The following DNMT3B variants were observed in gnomAD, a reference collection of about 807,000 sequenced individuals.
DNMT3B encodes the protein DNA (cytosine-5)-methyltransferase 3B.
Under a neutral mutation model 120.2 loss-of-function variants are expected in DNMT3B, and 37 were observed. The observed-to-expected ratio is 0.31, with a 90% CI of 0.24 to 0.40. The LOEUF is 0.40. Ranked by LOEUF, DNMT3B falls within the 10% of genes least tolerant of loss-of-function variation. DNMT3B has a pLI of 1.00. For missense variants in DNMT3B, 878 were observed against 1,137.3 expected (o/e 0.77, Z 3.28); for synonymous variants, 412 against 442.8 (o/e 0.93, Z 0.87).
At chr20:32,787,117 T>C (rs1161602349) in intron 5 of DNMT3B, 113 bp from the exon 6 acceptor site, 2 of 1,301,284 alleles carry the variant, frequency 1.5e-6, no homozygotes, top group Non-Finnish European at 2.2e-6. Context: ...CTGTTCTCTT[T>C]AACTTCAGTC....
intron 1 of DNMT3B, among the ~76,000 whole-genome samples, chr20:32,767,908 T>C (rs552100017): frequency 2.6e-5 from 4 of 152,182 alleles, no homozygotes; most frequent in African/African-American, 4.8e-5. Flanking sequence ...TCCTGTTGTA[T>C]GTGTGTGTTC....
chr20:32,791,373 T>A (rs1425084425), intron 7 of DNMT3B, among the ~76,000 whole-genome samples: 1 of 152,162 alleles, frequency 6.6e-6, no homozygotes. Flanking sequence ...AGTGGAAGTG[T>A]CGTACCTAAC....
intron 2 of DNMT3B, among the ~76,000 whole-genome samples, chr20:32,780,843 C>T (rs992183116): frequency 3.3e-5 from 5 of 152,168 alleles, no homozygotes; most frequent in Non-Finnish European, 7.4e-5. Context: ...TCCTTTCCAC[C>T]CTGCCCTGAG....
At position 32,793,547 on chromosome 20, in the gene DNMT3B, T is replaced by C. The variant is rs1980241691; in HGVS notation, c.1078T>C (p.Ser360Pro). Residue 360 changes from serine (S) to proline (P), a missense_variant, in exon 10 of 23, where the codon TCG becomes CCG. Ser to Pro is a moderately conservative substitution (Grantham distance 74, BLOSUM62 -1). Coordinates refer to ENST00000328111, the MANE Select transcript of DNMT3B (RefSeq NM_006892.4). ...PNNTQPVVNK[S>P]KVRRAGSRKL... ...TTTCCCCTCAAAAGTGGTTAATAAG[T>C]CGAAGGTGCGTCGTGCAGGCAGTAG... is the stretch of plus-strand genomic sequence containing the variant. The C allele has an allele frequency of 6.2e-7, 1 of 1,614,216 alleles. No individual in the cohort carries two copies. Among genetic ancestry groups the C allele is most frequent in the East Asian group, 2.2e-5 (1 of 44,894 alleles).
At chr20:32,801,544 C>A in intron 19 of DNMT3B, 118 bp downstream of exon 19, 1 of 1,389,556 alleles carries the variant, frequency 7.2e-7, no homozygotes, top group Non-Finnish European at 1.0e-6. Context: ...CTTGGTCTGG[C>A]TAGATCCAAT....
chr20:32,799,129 G>T, intron 15 of DNMT3B, 115 bp from the exon 16 acceptor site: 1 of 1,152,196 alleles, frequency 8.7e-7, no homozygotes, highest in Non-Finnish European at 1.3e-6. Context: ...TGGGCTTTTT[G>T]CAGTGGCTAC....
At chr20:32,784,218 T>TAGTAG (rs1247612409) in intron 3 of DNMT3B, among the ~76,000 whole-genome samples, 1 of 152,168 alleles carries the variant, frequency 6.6e-6, no homozygotes, top group Admixed American at 6.5e-5. Flanking sequence ...TTTGTATTCT[T>TAGTAG]AGTAGAGATG....
chr20:32,781,301 C>G (rs968920052), intron 2 of DNMT3B, 52 bp from the exon 3 acceptor site: 2 of 1,604,742 alleles, frequency 1.2e-6, no homozygotes, highest in East Asian at 2.3e-5. Flanking sequence ...AGGCCGTTCC[C>G]CAGACTGGTG....
intron 19 of DNMT3B, 125 bp downstream of exon 19, chr20:32,801,551 C>A: frequency 7.7e-7 from 1 of 1,297,430 alleles, no homozygotes; most frequent in Non-Finnish European, 1.1e-6. Flanking sequence ...TGGCTAGATC[C>A]AATAGTGAGG....
chr20:32,784,676 C>CT, intron 3 of DNMT3B, 82 bp from the exon 4 acceptor site: 1 of 1,478,846 alleles, frequency 6.8e-7, no homozygotes, highest in Non-Finnish European at 9.4e-7. Context: ...GGCGATCAGT[C>CT]TTTCATATTG....
chr20:32,783,972 G>A (rs565517667), intron 3 of DNMT3B, among the ~76,000 whole-genome samples: 115 of 150,268 alleles, frequency 7.7e-4, no homozygotes, highest in Non-Finnish European at 1.5e-3. Flanking sequence ...GTGCGGTGGC[G>A]CGATCTCGGC....
chr20:32,779,272 C>T (rs554855467), intron 1 of DNMT3B, among the ~76,000 whole-genome samples: 4 of 152,186 alleles, frequency 2.6e-5, no homozygotes, highest in Admixed American at 6.5e-5. Context: ...TCGGTTTCAG[C>T]GGGGATTTAT....
rs766619776 is a variant in DNMT3B, at chr20:32,786,617, C to T, written c.422C>T (p.Pro141Leu). The change falls in exon 5 of 23, where the codon CCG becomes CTG. Residue 141 changes from proline to leucine, a missense_variant. Pro to Leu is a moderately conservative substitution (Grantham distance 98). This residue lies in a region of DNMT3B where 287 missense variants were observed against 306.2 expected (regional missense o/e 0.94). Transcript: ENST00000328111. Reference sequence around the variant, plus strand: ...GTGGACGAGTCCCCCGTGGAGTTCCCGGCTACCAGGGTTGGTTCCCCAGAT... The same window carrying T: ...GTGGACGAGTCCCCCGTGGAGTTCCTGGCTACCAGGGTTGGTTCCCCAGAT... The part of the protein sequence containing the change: ...NHVDESPVEF[P>L]ATRSLRRRAT... 12 of 1,613,860 alleles carry T rather than the reference C, an allele frequency of 7.4e-6. No homozygotes were observed. Among genetic ancestry groups the T allele is most frequent in the Admixed American group, 1.7e-5 (1 of 60,034 alleles).
At position 32,792,787 on chromosome 20, in the gene DNMT3B, A is replaced by C. The variant is rs1377411368; in HGVS notation, c.1066+17A>C. 3 of 1,613,766 alleles carry C rather than the reference A, an allele frequency of 1.9e-6. No homozygotes were observed. Among genetic ancestry groups the C allele is most frequent in the Non-Finnish European group, 8.5e-7 (1 of 1,179,980 alleles). On this transcript the variant is annotated intron_variant, in intron 9 of 22. Transcript: ENST00000328111. ...CGCAACCAGGTGGGAATGAGTCCCCATGGCAGCACCCGCTGCCTCTGCTGG... is the reference window on the plus strand; with the variant it reads ...CGCAACCAGGTGGGAATGAGTCCCCCTGGCAGCACCCGCTGCCTCTGCTGG...
rs1218216774 is a variant in DNMT3B, at chr20:32,801,069, T to C, written c.1996+144T>C. 1.8e-5 allele frequency: 22 copies of C among 1,231,796 alleles called. No individual in the cohort carries two copies. In the Admixed American group the frequency reaches 3.4e-4, roughly 19 times the overall value. 76.3% of individuals were successfully genotyped at this position (1,231,796 alleles called of 1,614,324 possible). Reference sequence around the variant, plus strand: ...GCCTGTTGGTGCTGCCTACGCTCCATAGTAAATCCTCAGCCCACAAGGGAA... The same window carrying C: ...GCCTGTTGGTGCTGCCTACGCTCCACAGTAAATCCTCAGCCCACAAGGGAA... On this transcript the variant is annotated intron_variant, in intron 18 of 22. Transcript: ENST00000328111.
rs1981976919 is a variant in DNMT3B at position 32,806,301 on chromosome 20, T to C, written c.2394T>C (p.Asp798=). 1 of 1,614,206 alleles carries C rather than the reference T, an allele frequency of 6.2e-7. No homozygotes were observed. The highest frequency in any genetic ancestry group is 8.5e-7 in the Non-Finnish European group (1 of 1,180,040). ...CTGTTGTCATGAATGGCAAAGAAGA[T>C]GTTTTGTGGTGCACTGAGCTCGAAA... The part of the protein sequence containing the change: ...LFPVVMNGKE[D]VLWCTELERI... The change falls in exon 22 of 23, where the codon GAT becomes GAC. Residue 798 remains aspartate, a synonymous_variant. Coordinates refer to ENST00000328111, the MANE Select transcript of DNMT3B (RefSeq NM_006892.4).
chr20:32,782,830 AG>A (rs2145920766), intron 3 of DNMT3B, among the ~76,000 whole-genome samples: 2 of 152,344 alleles, frequency 1.3e-5, no homozygotes, highest in East Asian at 3.9e-4. Context: ...ACTACTGTAT[AG>A]CAAACTGTCT....
chr20:32,799,183 C>A, intron 15 of DNMT3B, 61 bp from the exon 16 acceptor site: 1 of 1,563,910 alleles, frequency 6.4e-7, no homozygotes, highest in Non-Finnish European at 8.7e-7. Flanking sequence ...CTGCCCCTCC[C>A]TCAGAGCTTG....
At chr20:32,783,913 T>TG (rs1491428729) in intron 3 of DNMT3B, among the ~76,000 whole-genome samples, 2 of 33,834 alleles carry the variant, frequency 5.9e-5, no homozygotes, top group Admixed American at 6.8e-4. Flanking sequence ...TGTATTTGTA[T>TG]TTTTTTTTTT....
Sources: allele counts gnomAD v4.1 joint callset (sites outside exome capture counted in the v4.1 genomes callset), GRCh38; gene constraint gnomAD v4.1.1; regional missense constraint gnomAD v4.1.1; transcripts MANE v1.5; gene names NCBI Gene and HGNC (gene_info 2026-07-23, HGNC 2026-07-21).